The following IKZF2 variants were observed in gnomAD, a reference collection of about 807,000 sequenced individuals.
The protein encoded by IKZF2 is zinc finger protein Helios.
Under a neutral mutation model 49.2 loss-of-function variants are expected in IKZF2, and 15 were observed. That is an observed-to-expected ratio of 0.30 (90% CI 0.20 to 0.47). The LOEUF is 0.47. IKZF2 is among the 20% of genes least tolerant of loss of function. The pLI, the probability that IKZF2 is intolerant of heterozygous loss-of-function variation, is 1.00. For synonymous variants in IKZF2, 227 were observed against 221.4 expected, an observed-to-expected ratio of 1.03 and a Z score of -0.23; for missense variants, 567 against 664.6, an observed-to-expected ratio of 0.85 and a Z score of 1.61.
At position 213,135,593 on chromosome 2, in the gene IKZF2, G is replaced by A. The variant is rs576438321; in HGVS notation, c.139+12115C>T. Among the ~76,000 whole-genome samples, 6 of 151,938 alleles carry A rather than the reference G, an allele frequency of 3.9e-5. No individual in the cohort carries two copies. The South Asian group carries it at 8.3e-4, about 21-fold the overall frequency. ...TGCACCTGTAGCCCCAGATACTTGA[G>A]AAGATTGCTTGAGCCCAGGAGTTCC... On this transcript the variant is annotated intron_variant, in intron 4 of 8. Transcript: ENST00000434687.
Position 213,136,234 on chromosome 2 carries a change from G to A in IKZF2, c.139+11474C>T, listed in dbSNP as rs1054542899. Among the ~76,000 whole-genome samples the A allele has an allele frequency of 2.8e-5, 4 of 144,412 alleles. No homozygotes were observed. In the Admixed American group the frequency reaches 2.8e-4, roughly 10 times the overall value. The allele number at this position is 144,412 out of a possible 152,430, so 94.7% of individuals were successfully genotyped here. The stretch of plus-strand genomic sequence containing the variant: ...AAAAATAAAAAAATTAGCTGGACGT[G>A]GTGATGGGCGCCTGTAATCCCAGCT... On this transcript the variant is annotated intron_variant, in intron 4 of 8. Transcript: ENST00000434687.
chr2:213,085,057 C>A (rs1050729417), intron 4 of IKZF2, among the ~76,000 whole-genome samples: 1 of 152,192 alleles, frequency 6.6e-6, no homozygotes, highest in African/African-American at 2.4e-5. Context: ...TCTCTGCATT[C>A]CAGGCACTTA....
intron 6 of IKZF2, among the ~76,000 whole-genome samples, chr2:213,032,420 A>G (rs1466709310): frequency 6.6e-6 from 1 of 152,164 alleles, no homozygotes; most frequent in Non-Finnish European, 1.5e-5. Flanking sequence ...CCTTAATTTT[A>G]AAAATACTTT....
intron 4 of IKZF2, among the ~76,000 whole-genome samples, chr2:213,077,884 G>A (rs185029866): frequency 3.3e-5 from 5 of 151,922 alleles, no homozygotes; most frequent in South Asian, 2.1e-4. Context: ...CACCGCACCC[G>A]GCCTATTCTA....
intron 4 of IKZF2, among the ~76,000 whole-genome samples, chr2:213,112,711 C>G (rs2059753108): frequency 6.6e-6 from 1 of 152,054 alleles, no homozygotes; most frequent in East Asian, 1.9e-4. Context: ...TTCCCCAACC[C>G]ATAATAAATT....
chr2:213,036,406 C>T (rs1699031134), intron 6 of IKZF2, among the ~76,000 whole-genome samples: 1 of 151,898 alleles, frequency 6.6e-6, no homozygotes, highest in African/African-American at 2.4e-5. Flanking sequence ...TTAAATATAC[C>T]CATAATTTTT....
chr2:212,999,961 C>T lies in IKZF2; in HGVS notation c.*7399G>A, dbSNP rs914737896. 2 of 151,902 alleles carry T rather than the reference C, an allele frequency of 1.3e-5. No individual in the cohort carries two copies. Among genetic ancestry groups the T allele is most frequent in the South Asian group, 2.1e-4 (1 of 4,812 alleles). 9.4% of individuals were successfully genotyped at this position (151,902 alleles called of 1,614,324 possible). A position where few individuals can be genotyped will look rare whatever the true frequency, so the allele number is the denominator to read the frequency against. On this transcript the variant is annotated 3_prime_UTR_variant, in exon 9 of 9. Transcript: ENST00000434687. ...CACACTCACACATGCATATACAACACTCATACACATATACACAGTAACCAC... is the reference window on the plus strand; with the variant it reads ...CACACTCACACATGCATATACAACATTCATACACATATACACAGTAACCAC...
chr2:213,044,929 C>A (rs1279190260), intron 6 of IKZF2, among the ~76,000 whole-genome samples: 3 of 152,120 alleles, frequency 2.0e-5, no homozygotes, highest in Non-Finnish European at 4.4e-5. Flanking sequence ...GTAGTATCTT[C>A]TCCCTCCCCC....
In IKZF2 at chr2:213,014,125, G is replaced by C. The variant is rs79186415; in HGVS notation, c.713-191C>G. On this transcript the variant is annotated intron_variant, in intron 7 of 8. Transcript: ENST00000434687. ...CACACACATATACACCAGAGGATTTGTTTTTATTTGAGTCTCTCTTAAATC... is the reference window on the plus strand; with the variant it reads ...CACACACATATACACCAGAGGATTTCTTTTTATTTGAGTCTCTCTTAAATC... 9.9e-3 allele frequency: 4,383 copies of C among 444,092 alleles called. 159 individuals carry two copies. Among genetic ancestry groups the C allele is most frequent in the African/African-American group, 0.076 (3,896 of 51,120 alleles). The allele number at this position is 444,092 out of a possible 1,614,324, so 27.5% of individuals were successfully genotyped here. A position where few individuals can be genotyped will look rare whatever the true frequency, so the allele number is the denominator to read the frequency against.
chr2:213,135,692 G>C (rs2060630524), intron 4 of IKZF2, among the ~76,000 whole-genome samples: 1 of 149,206 alleles, frequency 6.7e-6, no homozygotes, highest in South Asian at 2.1e-4. Flanking sequence ...CTCAGGAAAG[G>C]AAAAGGAAAG....
chr2:213,112,641 C>T (rs753736825), intron 4 of IKZF2, among the ~76,000 whole-genome samples: 1 of 151,964 alleles, frequency 6.6e-6, no homozygotes, highest in Non-Finnish European at 1.5e-5. Context: ...ATTCCATATT[C>T]TAACGTTTTC....
chr2:213,064,369 CA>C (rs894260784), intron 4 of IKZF2, among the ~76,000 whole-genome samples: 50 of 152,014 alleles, frequency 3.3e-4, no homozygotes, highest in African/African-American at 1.1e-3. Context: ...TACATTTAAA[CA>C]GATCTTGGCA....
intron 3 of IKZF2, 53 bp from the exon 4 acceptor site, chr2:213,147,865 T>C (rs2061135536): frequency 1.5e-6 from 2 of 1,364,342 alleles, no homozygotes; most frequent in Non-Finnish European, 2.1e-6. Context: ...ACATAAGATG[T>C]AATTACTAAC....
intron 4 of IKZF2, among the ~76,000 whole-genome samples, chr2:213,071,657 C>T (rs1702719173): frequency 1.3e-5 from 2 of 152,038 alleles, no homozygotes; most frequent in South Asian, 4.2e-4. Flanking sequence ...TATAAAGGCA[C>T]AGAATTGGGA....
At chr2:213,037,627 C>T (rs1470289183) in intron 6 of IKZF2, among the ~76,000 whole-genome samples, 1 of 152,192 alleles carries the variant, frequency 6.6e-6, no homozygotes, top group Non-Finnish European at 1.5e-5. Context: ...ATATTAATCC[C>T]ATCTCCTTTC....
At chr2:213,090,761 A>G (rs1380188119) in intron 4 of IKZF2, among the ~76,000 whole-genome samples, 1 of 152,142 alleles carries the variant, frequency 6.6e-6, no homozygotes, top group Non-Finnish European at 1.5e-5. Flanking sequence ...TGATGCAGAT[A>G]TAAGCCAGGA....
At chr2:213,073,232 G>A (rs1482126234) in intron 4 of IKZF2, among the ~76,000 whole-genome samples, 2 of 152,082 alleles carry the variant, frequency 1.3e-5, no homozygotes, top group East Asian at 3.9e-4. Context: ...AGTTAATCTG[G>A]TACTAGAAAC....
At chr2:213,010,761 C>T (rs189224023) in intron 8 of IKZF2, among the ~76,000 whole-genome samples, 2 of 152,090 alleles carry the variant, frequency 1.3e-5, no homozygotes, top group Admixed American at 6.6e-5. Context: ...TGGTTCTGCT[C>T]GTGCTGCCAA....
intron 4 of IKZF2, among the ~76,000 whole-genome samples, chr2:213,141,494 C>T (rs1228761831): frequency 6.6e-6 from 1 of 151,948 alleles, no homozygotes; most frequent in African/African-American, 2.4e-5. Context: ...TAGACTCCAA[C>T]TTTATAGTCT....
Sources: gnomAD v4.1 joint callset for allele counts (sites outside exome capture counted in the v4.1 genomes callset) on GRCh38, gnomAD v4.1.1 for gene constraint, MANE v1.5 for transcripts, NCBI Gene and HGNC (gene_info 2026-07-23, HGNC 2026-07-21) for gene names.